The following PTPRO variants were observed in gnomAD, a reference collection of about 807,000 sequenced individuals.
The protein encoded by PTPRO is receptor-type tyrosine-protein phosphatase O.
PTPRO carries 62 observed loss-of-function variants against 145.2 expected under a neutral mutation model. The ratio of observed to expected loss-of-function variants is 0.43; its 90% CI spans 0.35 to 0.53. The LOEUF (loss-of-function observed/expected upper bound fraction) is 0.53. Among genes scored for constraint, PTPRO ranks in the 20% least tolerant of loss-of-function variants. PTPRO has a pLI of 0.01. For missense variants in PTPRO, 1,345 were observed against 1,482.7 expected, an observed-to-expected ratio of 0.91 and a Z score of 1.53; for synonymous variants, 565 against 514.7, an observed-to-expected ratio of 1.10 and a Z score of -1.32.
chr12:15,514,280 C>T (rs1269637713), intron 7 of PTPRO, among the ~76,000 whole-genome samples: 16 of 151,752 alleles, frequency 1.1e-4, no homozygotes, highest in Admixed American at 5.2e-4. Flanking sequence ...GGCGAAACCT[C>T]GTCTCTACTA....
intron 14 of PTPRO, 25 bp downstream of exon 14, chr12:15,549,251 T>C: frequency 6.5e-7 from 1 of 1,541,952 alleles, no homozygotes. Context: ...TAGTGTATAA[T>C]TTTCTCACTT....
intron 1 of PTPRO, among the ~76,000 whole-genome samples, chr12:15,352,171 C>G (rs1273090310): frequency 3.9e-5 from 6 of 152,180 alleles, no homozygotes; most frequent in African/African-American, 1.4e-4. Context: ...GATCCAGTGA[C>G]AGGCAGACTG....
chr12:15,330,534 G>C lies in PTPRO; in HGVS notation c.75+7733G>C, dbSNP rs574153031. The stretch of plus-strand genomic sequence containing the variant: ...ATGGACCATTTCTTCCTGTTCCCTT[G>C]CCCTTTGGTTCCTAGTGAGTTTGGC... On this transcript the variant is annotated intron_variant, in intron 1 of 26. Coordinates refer to ENST00000281171, the MANE Select transcript of PTPRO (RefSeq NM_030667.3). 5.3e-5 allele frequency among the ~76,000 whole-genome samples: 8 copies of C among 152,130 alleles called. No homozygotes were observed. The South Asian group carries it at 1.7e-3, about 32-fold the overall frequency.
chr12:15,328,524 AG>A, intron 1 of PTPRO, among the ~76,000 whole-genome samples: 1 of 152,162 alleles, frequency 6.6e-6, no homozygotes. Context: ...TTGAGATGAA[AG>A]GGAGAAAAGT....
At chr12:15,352,968 G>A (rs374780216) in intron 1 of PTPRO, among the ~76,000 whole-genome samples, 17 of 152,126 alleles carry the variant, frequency 1.1e-4, no homozygotes, top group African/African-American at 3.4e-4. Context: ...TTAATCATCC[G>A]GAAAATATGT....
At chr12:15,398,528 A>G (rs1035282984) in intron 1 of PTPRO, among the ~76,000 whole-genome samples, 1 of 151,734 alleles carries the variant, frequency 6.6e-6, no homozygotes, top group African/African-American at 2.4e-5. Flanking sequence ...TAGGAAGTTC[A>G]TTTTTACTAT....
intron 1 of PTPRO, among the ~76,000 whole-genome samples, chr12:15,379,066 C>T (rs1221342996): frequency 2.0e-5 from 3 of 152,102 alleles, no homozygotes; most frequent in African/African-American, 7.2e-5. Context: ...TTAGAACCCT[C>T]ATACATTGCT....
At chr12:15,569,535 G>C (rs769864067) in intron 19 of PTPRO, 37 bp downstream of exon 19, 3 of 1,546,460 alleles carry the variant, frequency 1.9e-6, no homozygotes, top group African/African-American at 1.4e-5. Context: ...TTCTGTAATG[G>C]AAAGGGCCTG....
In PTPRO at chr12:15,322,967, G is replaced by A. The variant is rs1253056387; in HGVS notation, c.75+166G>A. Among the ~76,000 whole-genome samples, 2 of 152,230 alleles carry A rather than the reference G, an allele frequency of 1.3e-5. No homozygotes were observed. Among genetic ancestry groups the A allele is most frequent in the African/African-American group, 4.8e-5 (2 of 41,464 alleles). Reference sequence around the variant, plus strand: ...CACGCTTTGTTGTCCTCGCGTGTGCGTGTTCCTGGTGGTCTTGAGAGGTAG... The same window carrying A: ...CACGCTTTGTTGTCCTCGCGTGTGCATGTTCCTGGTGGTCTTGAGAGGTAG... On this transcript the variant is annotated intron_variant, in intron 1 of 26. Coordinates refer to ENST00000281171, the MANE Select transcript of PTPRO (RefSeq NM_030667.3). The surrounding 1 kb of genome is among the most constrained non-coding windows in gnomAD (Gnocchi z 6.3).
chr12:15,506,238 C>A (rs1942318661), intron 6 of PTPRO, among the ~76,000 whole-genome samples: 1 of 152,192 alleles, frequency 6.6e-6, no homozygotes, highest in Admixed American at 6.5e-5. Flanking sequence ...TTATGTAGTT[C>A]TCTAACACAT....
chr12:15,466,779 CT>C (rs528830918), intron 1 of PTPRO, among the ~76,000 whole-genome samples: 17 of 152,278 alleles, frequency 1.1e-4, no homozygotes, highest in African/African-American at 3.1e-4. Flanking sequence ...CTTTAAATCA[CT>C]ACTGTTTCCA....
intron 17 of PTPRO, among the ~76,000 whole-genome samples, chr12:15,563,211 T>C (rs554754430): frequency 6.6e-6 from 1 of 152,244 alleles, no homozygotes; most frequent in South Asian, 2.1e-4. Flanking sequence ...TCTATGCATA[T>C]ATGCTGTAGG....
chr12:15,447,521 A>C (rs766923027), intron 1 of PTPRO, among the ~76,000 whole-genome samples: 8 of 152,160 alleles, frequency 5.3e-5, no homozygotes, highest in Non-Finnish European at 5.9e-5. Context: ...TTTGATGAGC[A>C]AGGCAGCACT....
rs185764606 is a variant in PTPRO, at chr12:15,403,891, A to G, written c.76-80083A>G. Among the ~76,000 whole-genome samples, 57 of 152,030 alleles carry G rather than the reference A, an allele frequency of 3.7e-4. No individual in the cohort carries two copies. The East Asian group carries it at 0.011, about 28-fold the overall frequency. ...CCCATGGTCTTATTATTTATTTTAT[A>G]CCAATTCCTTAAAAGAGTGTTTAGG... On this transcript the variant is annotated intron_variant, in intron 1 of 26. Transcript: ENST00000281171.
At chr12:15,539,747 C>T (rs1034273757) in intron 12 of PTPRO, among the ~76,000 whole-genome samples, 4 of 99,134 alleles carry the variant, frequency 4.0e-5, no homozygotes, top group Non-Finnish European at 1.8e-5. Flanking sequence ...GGGTGACAGA[C>T]TGAGACTCTG....
At chr12:15,570,131 T>C (rs920709415) in intron 19 of PTPRO, among the ~76,000 whole-genome samples, 1 of 152,204 alleles carries the variant, frequency 6.6e-6, no homozygotes. Context: ...TCAGAAGAGA[T>C]GGAAGTGAGT....
At position 15,520,318 on chromosome 12, in the gene PTPRO, G is replaced by A. The variant is rs1358474515; in HGVS notation, c.1891+6G>A. 9 of 1,592,174 alleles carry A rather than the reference G, an allele frequency of 5.7e-6. No individual in the cohort carries two copies. The highest frequency in any genetic ancestry group is 1.1e-5 in the South Asian group (1 of 90,608). ...TACCATCAGCTTCATAACAGGTGAG[G>A]CATGTGTGGGGAACAGTTCCACAAG... is the stretch of plus-strand genomic sequence containing the variant. On this transcript the variant is annotated splice_donor_region_variant and intron_variant, in intron 10 of 26. Coordinates refer to ENST00000281171, the MANE Select transcript of PTPRO (RefSeq NM_030667.3).
chr12:15,510,019 A>G (rs1013924249), intron 7 of PTPRO, among the ~76,000 whole-genome samples: 3 of 152,174 alleles, frequency 2.0e-5, no homozygotes, highest in African/African-American at 7.2e-5. Context: ...TCTTACAAAC[A>G]CATTTTCTTC....
At chr12:15,404,975 TG>T (rs1939606494) in intron 1 of PTPRO, among the ~76,000 whole-genome samples, 1 of 152,206 alleles carries the variant, frequency 6.6e-6, no homozygotes, top group African/African-American at 2.4e-5. Context: ...GCCTCCTTGC[TG>T]TGTCTCACAT....
Sources: gnomAD v4.1 joint callset for allele counts (sites outside exome capture counted in the v4.1 genomes callset) on GRCh38, gnomAD v4.1.1 for gene constraint, Gnocchi (gnomAD v3.1) non-coding constraint, MANE v1.5 for transcripts, NCBI Gene and HGNC (gene_info 2026-07-23, HGNC 2026-07-21) for gene names.